Variants in ZNF385D observed in about 807,000 individuals in gnomAD.
ZNF385D encodes zinc finger protein 385D.
Under a neutral mutation model 35.8 loss-of-function variants are expected in ZNF385D, and 15 were observed. That is an observed-to-expected ratio of 0.42 (90% CI 0.28 to 0.64). ZNF385D has a LOEUF of 0.64. Ranked by LOEUF, ZNF385D falls within the 30% of genes least tolerant of loss-of-function variation. ZNF385D has a pLI of 0.23. For synonymous variants in ZNF385D, 212 were observed against 186.8 expected, an observed-to-expected ratio of 1.13 and a Z score of -1.10; for missense variants, 474 against 494.6, an observed-to-expected ratio of 0.96 and a Z score of 0.39.
chr3:22,207,857 T>C (rs1202491023), intron 2 of ZNF385D, among the ~76,000 whole-genome samples: 1 of 151,858 alleles, frequency 6.6e-6, no homozygotes, highest in Non-Finnish European at 1.5e-5. Flanking sequence ...ATCAGAGAAA[T>C]GCAGATCCCA....
chr3:22,345,736 C>T (rs376009549), intron 2 of ZNF385D, among the ~76,000 whole-genome samples: 6 of 152,316 alleles, frequency 3.9e-5, no homozygotes, highest in South Asian at 4.1e-4. Flanking sequence ...TCTAGAAGTG[C>T]TACTGGCTGA....
chr3:22,136,790 A>T (rs764421991), intron 3 of ZNF385D, among the ~76,000 whole-genome samples: 1 of 152,176 alleles, frequency 6.6e-6, no homozygotes, highest in Non-Finnish European at 1.5e-5. Context: ...ACTAAAAGAC[A>T]TGGAGGAAAC....
rs375029155 is a variant in ZNF385D at position 21,748,413 on chromosome 3, A to G, written c.22+2482T>C. 4.3e-5 allele frequency among the ~76,000 whole-genome samples: 5 copies of G among 115,834 alleles called. No homozygotes were observed. The South Asian group carries it at 1.6e-3, about 38-fold the overall frequency. 76.0% of individuals were successfully genotyped at this position (115,834 alleles called of 152,430 possible). A position where few individuals can be genotyped will look rare whatever the true frequency, so the allele number is the denominator to read the frequency against. The stretch of plus-strand genomic sequence containing the variant: ...CTATTCAGGTAGTGATTCTTCAGCT[A>G]TATTTGAAGGGGTGGGGGTGGGGGG... On this transcript the variant is annotated intron_variant, in intron 1 of 7. Transcript: ENST00000281523.
Position 22,203,817 on chromosome 3 carries a change from A to G in ZNF385D, c.107-34782T>C, listed in dbSNP as rs150541864. On this transcript the variant is annotated intron_variant, in intron 2 of 5. Transcript: ENST00000494108. ...ATGGTTTCAGTATTAGCTCAGTCGC[A>G]GTAGAATAGAGCATCAGGTAGATTT... is the stretch of plus-strand genomic sequence containing the variant. Among the ~76,000 whole-genome samples the G allele has an allele frequency of 1.5e-3, 235 of 152,296 alleles. 1 individual carries two copies. Among genetic ancestry groups the G allele is most frequent in the African/African-American group, 5.3e-3 (219 of 41,592 alleles).
At chr3:21,635,558 TGTTTTG>T (rs1206677217) in intron 2 of ZNF385D, among the ~76,000 whole-genome samples, 33 of 91,714 alleles carry the variant, frequency 3.6e-4, no homozygotes, top group African/African-American at 1.2e-3. Context: ...GTTGTTTGTT[TGTTTTG>T]TTGTTGTTGT....
chr3:21,504,511 A>T (rs1356212172), intron 4 of ZNF385D, among the ~76,000 whole-genome samples: 1 of 152,170 alleles, frequency 6.6e-6, no homozygotes, highest in Non-Finnish European at 1.5e-5. Flanking sequence ...TTATATAAAA[A>T]GTACTCTGTA....
intron 1 of ZNF385D, among the ~76,000 whole-genome samples, chr3:21,740,409 G>T (rs1371935022): frequency 6.6e-6 from 1 of 152,058 alleles, no homozygotes; most frequent in Non-Finnish European, 1.5e-5. Flanking sequence ...TAATCTTCAG[G>T]TAATTTGTAC....
chr3:21,822,103 A>G (rs1694283334), intron 3 of ZNF385D, among the ~76,000 whole-genome samples: 2 of 151,684 alleles, frequency 1.3e-5, no homozygotes, highest in South Asian at 2.1e-4. Flanking sequence ...ACGGAATCTC[A>G]CTCTGTTGCC....
Position 21,798,579 on chromosome 3 carries a change from C to G in ZNF385D, c.326-133551G>C, listed in dbSNP as rs114887101. On this transcript the variant is annotated intron_variant, in intron 3 of 5. Transcript: ENST00000494108. ...ATTAGGTCAGTCCCACCAGGATAAT[C>G]TCCTTTTTGATTAACTCAGCGTCAA... is the stretch of plus-strand genomic sequence containing the variant. Among the ~76,000 whole-genome samples the G allele has an allele frequency of 1.6e-3, 239 of 152,284 alleles. 1 individual carries two copies. Among genetic ancestry groups the G allele is most frequent in the African/African-American group, 5.5e-3 (227 of 41,560 alleles).
At chr3:22,293,155 G>T (rs1243625430) in intron 2 of ZNF385D, among the ~76,000 whole-genome samples, 1 of 151,968 alleles carries the variant, frequency 6.6e-6, no homozygotes. Context: ...AGCCTTCATA[G>T]AAATCCCCCA....
intron 3 of ZNF385D, among the ~76,000 whole-genome samples, chr3:21,909,653 G>GGAA (rs1294672482): frequency 6.6e-6 from 1 of 151,994 alleles, no homozygotes; most frequent in Non-Finnish European, 1.5e-5. Context: ...CTTGGATACT[G>GGAA]TAGCAGGAAT....
At chr3:22,259,833 A>G (rs1200399720) in intron 2 of ZNF385D, among the ~76,000 whole-genome samples, 1 of 147,044 alleles carries the variant, frequency 6.8e-6, no homozygotes, top group African/African-American at 2.6e-5. Context: ...CAACATAGTG[A>G]GGAAAAAAAA....
intron 3 of ZNF385D, among the ~76,000 whole-genome samples, chr3:22,161,365 A>G (rs1157419348): frequency 6.6e-6 from 1 of 152,110 alleles, no homozygotes; most frequent in Non-Finnish European, 1.5e-5. Flanking sequence ...TTACATTAAT[A>G]CATTTGTATG....
At chr3:21,594,026 G>A (rs753376475) in intron 2 of ZNF385D, among the ~76,000 whole-genome samples, 1 of 152,134 alleles carries the variant, frequency 6.6e-6, no homozygotes, top group Non-Finnish European at 1.5e-5. Context: ...CCAGCAGACA[G>A]TAGACGCACA....
intron 3 of ZNF385D, among the ~76,000 whole-genome samples, chr3:21,928,320 G>A (rs779772041): frequency 1.4e-5 from 2 of 138,220 alleles, no homozygotes; most frequent in Non-Finnish European, 3.1e-5. Context: ...TAGGAGGGAG[G>A]AAGGAAGGAA....
intron 3 of ZNF385D, among the ~76,000 whole-genome samples, chr3:22,132,985 G>A (rs1703889243): frequency 6.6e-6 from 1 of 152,004 alleles, no homozygotes; most frequent in Non-Finnish European, 1.5e-5. Context: ...AAATTGTTCT[G>A]TTTTAAAATG....
intron 2 of ZNF385D, among the ~76,000 whole-genome samples, chr3:21,608,477 A>G (rs781035446): frequency 6.6e-6 from 1 of 152,112 alleles, no homozygotes; most frequent in Non-Finnish European, 1.5e-5. Context: ...CTGTGTTTAA[A>G]CCTTTGCATC....
At chr3:22,208,878 C>G (rs141146116) in intron 2 of ZNF385D, among the ~76,000 whole-genome samples, 1 of 151,780 alleles carries the variant, frequency 6.6e-6, no homozygotes, top group Non-Finnish European at 1.5e-5. Context: ...GCTGAAAAGG[C>G]TCCTAGAAAA....
At chr3:21,587,124 C>G (rs2125720394) in intron 2 of ZNF385D, among the ~76,000 whole-genome samples, 1 of 152,254 alleles carries the variant, frequency 6.6e-6, no homozygotes, top group Middle Eastern at 3.4e-3. Context: ...TAGATTGGGA[C>G]ACGCAGATGA....
Sources: gnomAD v4.1 joint callset for allele counts (sites outside exome capture counted in the v4.1 genomes callset) on GRCh38, gnomAD v4.1.1 for gene constraint, MANE v1.5 for transcripts, NCBI Gene and HGNC (gene_info 2026-07-23, HGNC 2026-07-21) for gene names.